The following VASH2 variants were observed in gnomAD, a reference collection of about 807,000 sequenced individuals.
The protein encoded by VASH2 is vasohibin 2, also known as tubulinyl-Tyr carboxypeptidase 2.
In VASH2, 28 loss-of-function variants were observed where a neutral mutation model predicts 37.2. That is an observed-to-expected ratio of 0.75 (90% confidence interval 0.56 to 1.03). The LOEUF is 1.03. Ranked by LOEUF, VASH2 falls within the 50% of genes least tolerant of loss-of-function variation. VASH2 has a pLI of 0.00. For missense variants in VASH2, 419 were observed against 459.1 expected, an observed-to-expected ratio of 0.91 and a Z score of 0.80; for synonymous variants, 188 against 174.7, an observed-to-expected ratio of 1.08 and a Z score of -0.60.
Position 212,951,491 on chromosome 1 carries a change from C to T in VASH2, c.-52C>T. 16 of 1,166,254 alleles carry T rather than the reference C, an allele frequency of 1.4e-5. No homozygotes were observed. Among genetic ancestry groups the T allele is most frequent in the Admixed American group, 9.2e-5 (2 of 21,816 alleles). The allele number at this position is 1,166,254 out of a possible 1,614,324, so 72.2% of individuals were successfully genotyped here. On this transcript the variant is annotated 5_prime_UTR_variant, in exon 2 of 8. Transcript: ENST00000517399. This position sits in a 1 kb window ranked among gnomAD's most constrained non-coding sequence, Gnocchi z 4.4. ...CGCACACGCCCCCCGCCGCCGCCGC[C>T]GCTGCCGCCGCCGCGCGCCCCCAGT...
At chr1:212,986,789 G>A (rs940799122) in intron 7 of VASH2, among the ~76,000 whole-genome samples, 6 of 152,192 alleles carry the variant, frequency 3.9e-5, no homozygotes, top group Non-Finnish European at 7.3e-5. Flanking sequence ...AGTCAGCTGT[G>A]TTAATTAGCA....
chr1:212,982,593 A>T (rs1667369748), intron 7 of VASH2, among the ~76,000 whole-genome samples: 1 of 152,162 alleles, frequency 6.6e-6, no homozygotes, highest in African/African-American at 2.4e-5. Flanking sequence ...CCCTGAGATG[A>T]GCTGGCAAGG....
At chr1:212,963,107 G>A (rs1666726800) in intron 3 of VASH2, among the ~76,000 whole-genome samples, 1 of 152,168 alleles carries the variant, frequency 6.6e-6, no homozygotes, top group Non-Finnish European at 1.5e-5. Context: ...CATTGATGGG[G>A]CAAATTTGCA....
chr1:212,965,249 T>C (rs746056627), intron 3 of VASH2, among the ~76,000 whole-genome samples: 13 of 152,162 alleles, frequency 8.5e-5, no homozygotes, highest in Non-Finnish European at 1.2e-4. Context: ...ATAAAGATAA[T>C]GAAAGAATAG....
chr1:212,969,056 C>T, intron 5 of VASH2: 1 of 985,446 alleles, frequency 1.0e-6, no homozygotes, highest in Non-Finnish European at 1.2e-6. Flanking sequence ...AGACAGTGTG[C>T]TCGTGGTTTT....
At chr1:212,969,694 C>G (rs1343100410) in intron 5 of VASH2, among the ~76,000 whole-genome samples, 1 of 152,234 alleles carries the variant, frequency 6.6e-6, no homozygotes, top group East Asian at 1.9e-4. Context: ...TACAGCATCT[C>G]TGTCTTTTCT....
At chr1:212,964,582 C>A (rs534262567) in intron 3 of VASH2, among the ~76,000 whole-genome samples, 1 of 152,342 alleles carries the variant, frequency 6.6e-6, no homozygotes, top group East Asian at 1.9e-4. Flanking sequence ...GCTGGTCAGT[C>A]CCTGAGACCT....
At chr1:212,975,324 G>A (rs903182737) in intron 7 of VASH2, among the ~76,000 whole-genome samples, 1 of 152,228 alleles carries the variant, frequency 6.6e-6, no homozygotes, top group Non-Finnish European at 1.5e-5. Flanking sequence ...GTACTGCCAC[G>A]AGGGCCTTGG....
At chr1:212,956,036 T>C (rs531791668) in intron 2 of VASH2, among the ~76,000 whole-genome samples, 324 of 152,304 alleles carry the variant, frequency 2.1e-3, no homozygotes, top group Non-Finnish European at 3.8e-3. Context: ...GTTTTCAGAG[T>C]AGGGATGACA....
intron 2 of VASH2, among the ~76,000 whole-genome samples, chr1:212,955,250 A>G (rs1313000313): frequency 2.0e-5 from 3 of 152,216 alleles, no homozygotes; most frequent in Admixed American, 6.5e-5. Flanking sequence ...AAGGGCCTGC[A>G]TGGAGGACTA....
chr1:212,981,039 G>T (rs1386047178), intron 7 of VASH2, among the ~76,000 whole-genome samples: 3 of 152,204 alleles, frequency 2.0e-5, no homozygotes, highest in Non-Finnish European at 4.4e-5. Context: ...GAGCTCCCCA[G>T]GGTCACATAG....
intron 2 of VASH2, among the ~76,000 whole-genome samples, chr1:212,953,223 G>A (rs3002288): frequency 0.36 from 52,433 of 146,732 alleles, 10,916 homozygotes; most frequent in South Asian, 0.48. Context: ...CCATGTATGC[G>A]GGTGCGCGGG....
intron 5 of VASH2, among the ~76,000 whole-genome samples, chr1:212,970,906 A>T (rs1484136525): frequency 2.0e-5 from 3 of 151,846 alleles, no homozygotes; most frequent in Non-Finnish European, 4.4e-5. Flanking sequence ...ATGAAAAAAA[A>T]AAGACCACCA....
intron 7 of VASH2, among the ~76,000 whole-genome samples, chr1:212,976,848 T>C (rs61832439): frequency 0.019 from 2,958 of 152,006 alleles, 45 homozygotes; most frequent in East Asian, 0.04. Context: ...TCGCCTGAGG[T>C]CAGGAAGGAA....
chr1:212,985,401 G>A (rs1202448893), intron 7 of VASH2, among the ~76,000 whole-genome samples: 4 of 148,570 alleles, frequency 2.7e-5, no homozygotes, highest in African/African-American at 5.0e-5. Flanking sequence ...CTGCTGCGCT[G>A]CCATCTTTAG....
At chr1:212,967,356 C>T in intron 5 of VASH2, 1 of 1,217,402 alleles carries the variant, frequency 8.2e-7, no homozygotes, top group Non-Finnish European at 1.0e-6. Context: ...GACCCAGGAA[C>T]AGCCTTTGAG....
In VASH2 at chr1:212,972,575, C is replaced by G. The variant is rs34095850; in HGVS notation, c.498-5C>G. ...CTTTCTCTTCCTTGACTCAGATTGT[C>G]TAAGCTACTTAACCAATGGGCAGCC... On this transcript the variant is annotated splice_polypyrimidine_tract_variant and splice_region_variant and intron_variant, in intron 5 of 7. Transcript: ENST00000517399. The G allele has an allele frequency of 6.2e-7, 1 of 1,610,472 alleles. No individual in the cohort carries two copies. Among genetic ancestry groups the G allele is most frequent in the Admixed American group, 1.7e-5 (1 of 58,506 alleles).
At chr1:212,973,074 T>A in intron 6 of VASH2, 113 bp downstream of exon 6, 1 of 1,377,956 alleles carries the variant, frequency 7.3e-7, no homozygotes, top group Non-Finnish European at 9.7e-7. Flanking sequence ...TTTCTTGAGG[T>A]TAAAGTCTCT....
intron 7 of VASH2, among the ~76,000 whole-genome samples, chr1:212,977,714 A>C (rs1159636875): frequency 2.0e-5 from 3 of 152,190 alleles, no homozygotes. Context: ...TCCTGTTCTC[A>C]ACTCTGAGTG....
Sources: gnomAD v4.1 joint callset for allele counts (sites outside exome capture counted in the v4.1 genomes callset) on GRCh38, gnomAD v4.1.1 for gene constraint, Gnocchi (gnomAD v3.1) non-coding constraint, MANE v1.5 for transcripts, NCBI Gene and HGNC (gene_info 2026-07-23, HGNC 2026-07-21) for gene names.